SEPTIN4: variants seen among roughly 807,000 people sequenced by gnomAD.
SEPTIN4 encodes septin 4.
A neutral mutation model predicts 107.1 loss-of-function variants in SEPTIN4; 52 were observed. That is an observed-to-expected ratio of 0.49 (90% confidence interval 0.39 to 0.61). The LOEUF (loss-of-function observed/expected upper bound fraction) is 0.61, where lower values mean the gene tolerates loss of function less well. SEPTIN4 is among the 20% of genes least tolerant of loss of function. The pLI, the probability that SEPTIN4 is intolerant of heterozygous loss-of-function variation, is 0.00. For missense variants in SEPTIN4, 1,048 were observed against 1,243.5 expected (o/e 0.84, Z 2.36); for synonymous variants, 417 against 467.0 (o/e 0.89, Z 1.38).
chr17:58,543,245 T>C lies in SEPTIN4; in HGVS notation c.942A>G (p.Ser314=). The C allele has an allele frequency of 1.2e-6, 2 of 1,614,166 alleles. No homozygotes were observed. The highest frequency in any genetic ancestry group is 1.3e-5 in the African/African-American group (1 of 75,012). Residue 314 remains serine (S), a synonymous_variant, in exon 1 of 14, where the codon TCA becomes TCG. Transcript: ENST00000672673. ...TCCTCACGTTGGACTCCACCTGTGATGATACTAAGACCTTTGCGGAGGGCT... is the reference window on the plus strand; with the variant it reads ...TCCTCACGTTGGACTCCACCTGTGACGATACTAAGACCTTTGCGGAGGGCT... ...ETKPSAKVLV[S]SQVESNVRTP... is the part of the protein sequence containing the mutation.
chr17:58,533,195 T>A (rs2043584025), intron 3 of SEPTIN4, among the ~76,000 whole-genome samples: 1 of 152,074 alleles, frequency 6.6e-6, no homozygotes, highest in Non-Finnish European at 1.5e-5. Flanking sequence ...GCAGGTAAGA[T>A]CAGGCTGAGA....
intron 3 of SEPTIN4, among the ~76,000 whole-genome samples, 171 bp downstream of exon 3, chr17:58,540,494 GC>G (rs1009431256): frequency 6.6e-6 from 1 of 152,184 alleles, no homozygotes; most frequent in Non-Finnish European, 1.5e-5. Context: ...TTATATTTCA[GC>G]CCCCCACTTG....
chr17:58,539,199 G>A (rs1284005249), intron 3 of SEPTIN4: 4 of 1,528,592 alleles, frequency 2.6e-6, no homozygotes, highest in Non-Finnish European at 3.5e-6. Context: ...TGCTGAACAG[G>A]GCTGGAGAGC....
Position 58,526,939 on chromosome 17 carries a change from G to A in SEPTIN4, c.1654C>T (p.Leu552=), listed in dbSNP as rs2144118431. ...FLEDTTDDGE[L]SKFVKDFSGN... The stretch of plus-strand genomic sequence containing the variant: ...GAGAAATCCTTCACGAACTTGCTCA[G>A]TTCTCCATCATCCGTGGTGTCCTCC... Residue 552 remains leucine (L), a synonymous_variant, in exon 4 of 14, where the codon CTG becomes TTG. Transcript: ENST00000672673. The A allele has an allele frequency of 6.2e-7, 1 of 1,614,140 alleles. No individual in the cohort carries two copies.
Position 58,544,083 on chromosome 17 carries a change from A to G in SEPTIN4, c.104T>C (p.Leu35Pro). 1 of 1,614,168 alleles carries G rather than the reference A, an allele frequency of 6.2e-7. No homozygotes were observed. The highest frequency in any genetic ancestry group is 1.3e-5 in the African/African-American group (1 of 75,028). The stretch of plus-strand genomic sequence containing the variant: ...TGCAGCACTTCGATGGCTTGAGGCA[A>G]GAACGTACCCATGTCCCTGCTGAGG... ...TSPQQGHGYVLASSHRSAAVS... is the reference protein window; with the variant it reads ...TSPQQGHGYVPASSHRSAAVS... Residue 35 changes from leucine (L) to proline (P), a missense_variant, in exon 1 of 14, where the codon CTT becomes CCT. Coordinates refer to ENST00000672673, the MANE Select transcript of SEPTIN4 (RefSeq NM_001368771.2).
Position 58,544,045 on chromosome 17 carries a change from G to A in SEPTIN4, c.142C>T (p.Pro48Ser), listed in dbSNP as rs775964556. Residue 48 changes from proline to serine, a missense_variant, in exon 1 of 14, where the codon CCT becomes TCT. By Grantham distance (74) the Pro-to-Ser change is moderately conservative. Transcript: ENST00000672673. ...GCAGCTTCTGATCTTCGGTGGGAAG[G>A]GTTCAGGGAGACTGCAGCACTTCGA... ...SHRSAAVSLN[P>S]SHRRSEAAHP... is the part of the protein sequence containing the mutation. The A allele has an allele frequency of 9.9e-6, 16 of 1,614,134 alleles. No individual in the cohort carries two copies. The Admixed American group carries it at 2.3e-4, about 24-fold the overall frequency.
chr17:58,524,887 A>G, intron 7 of SEPTIN4, 191 bp downstream of exon 7: 2 of 682,168 alleles, frequency 2.9e-6, no homozygotes, highest in South Asian at 3.8e-5. Context: ...GAACATTAAA[A>G]ATCATCTATT....
intron 2 of SEPTIN4, 109 bp from the exon 3 acceptor site, chr17:58,540,782 T>G: frequency 8.3e-7 from 1 of 1,206,648 alleles, no homozygotes; most frequent in South Asian, 2.6e-5. Flanking sequence ...CCCAGTGGAC[T>G]TGGGCAAACC....
At chr17:58,531,466 G>GC (rs2043456002) in intron 3 of SEPTIN4, 1 of 152,422 alleles carries the variant, frequency 6.6e-6, no homozygotes, top group African/African-American at 2.4e-5. Context: ...GGAAGGAGGG[G>GC]CCAAGCGTCT....
chr17:58,534,760 C>T (rs1014926704), intron 3 of SEPTIN4, among the ~76,000 whole-genome samples: 1 of 152,184 alleles, frequency 6.6e-6, no homozygotes, highest in East Asian at 1.9e-4. Flanking sequence ...TCTTGGGCTC[C>T]GTTGCTTAGG....
intron 2 of SEPTIN4, chr17:58,540,913 C>A: frequency 2.6e-6 from 1 of 382,560 alleles, no homozygotes. Flanking sequence ...ATAATCCTCA[C>A]AATAACCCTA....
chr17:58,521,292 C>G lies in SEPTIN4; in HGVS notation c.2630G>C (p.Arg877Pro). 2 of 1,614,218 alleles carry G rather than the reference C, an allele frequency of 1.2e-6. No individual in the cohort carries two copies. Among genetic ancestry groups the G allele is most frequent in the Non-Finnish European group, 1.7e-6 (2 of 1,180,038 alleles). ...SNTVVEARGR[R>P]VRGRLYPWGI... ...CCAGGGGTAGAGTCGACCCCGAACT[C>G]GCCGCCCTCTGGCCTCTACTACAGT... The change falls in exon 11 of 14, where the codon CGA (arginine) becomes CCA (proline). Residue 877 changes from arginine to proline, a missense_variant. Arg to Pro is a moderately radical substitution (Grantham distance 103). Transcript: ENST00000672673. The surrounding 1 kb of genome is among the most constrained non-coding windows in gnomAD (Gnocchi z 6.4).
chr17:58,531,865 T>C (rs2043495388), intron 3 of SEPTIN4: 3 of 1,063,968 alleles, frequency 2.8e-6, no homozygotes, highest in Non-Finnish European at 2.3e-6. Flanking sequence ...CAGCCGCGGC[T>C]GCGGTGCCGC....
intron 3 of SEPTIN4, chr17:58,531,945 T>C (rs1462874131): frequency 4.4e-6 from 5 of 1,144,162 alleles, no homozygotes; most frequent in African/African-American, 1.6e-5. Flanking sequence ...CCCGCCCGCC[T>C]GCCTGCCTGC....
At chr17:58,536,217 T>C (rs967046101) in intron 3 of SEPTIN4, among the ~76,000 whole-genome samples, 2 of 152,214 alleles carry the variant, frequency 1.3e-5, no homozygotes, top group Non-Finnish European at 2.9e-5. Context: ...ATCTGTGAAA[T>C]AGGGAGAATA....
chr17:58,523,775 T>C (rs2042534961), intron 7 of SEPTIN4, among the ~76,000 whole-genome samples: 1 of 152,270 alleles, frequency 6.6e-6, no homozygotes, highest in Middle Eastern at 3.4e-3. Context: ...CAACAAATTA[T>C]GTTGCTGGTC....
At chr17:58,533,994 A>G (rs1474897981) in intron 3 of SEPTIN4, among the ~76,000 whole-genome samples, 1 of 152,110 alleles carries the variant, frequency 6.6e-6, no homozygotes, top group Non-Finnish European at 1.5e-5. Context: ...GGACACAGAC[A>G]CATTTCAAAA....
rs1367154714 is a variant in SEPTIN4 at position 58,520,774 on chromosome 17, G to C, written c.2900C>G (p.Thr967Ser). ...PAVPPGTDPE[T>S]EKLIREKDEE... Reference sequence around the variant, plus strand: ...ATCTTTCTCTCGGATAAGCTTCTCAGTTTCTGGATCTGTCCCTGGTGGGAC... The same window carrying C: ...ATCTTTCTCTCGGATAAGCTTCTCACTTTCTGGATCTGTCCCTGGTGGGAC... The change falls in exon 13 of 14, where the codon ACT becomes AGT. Residue 967 changes from threonine to serine, a missense_variant. Coordinates refer to ENST00000672673, the MANE Select transcript of SEPTIN4 (RefSeq NM_001368771.2). 2 of 1,614,056 alleles carry C rather than the reference G, an allele frequency of 1.2e-6. No individual in the cohort carries two copies. The highest frequency in any genetic ancestry group is 1.7e-6 in the Non-Finnish European group (2 of 1,180,042).
chr17:58,532,840 G>A (rs1013538003), intron 3 of SEPTIN4, among the ~76,000 whole-genome samples: 1 of 152,204 alleles, frequency 6.6e-6, no homozygotes, highest in African/African-American at 2.4e-5. Flanking sequence ...AGAGGCATTA[G>A]AGGCTCAGAA....
Sources: gnomAD v4.1 joint callset for allele counts (sites outside exome capture counted in the v4.1 genomes callset) on GRCh38, gnomAD v4.1.1 for gene constraint, Gnocchi (gnomAD v3.1) non-coding constraint, MANE v1.5 for transcripts, NCBI Gene and HGNC (gene_info 2026-07-23, HGNC 2026-07-21) for gene names.